TRIM27: variants seen among roughly 807,000 people sequenced by gnomAD.
The protein encoded by TRIM27 is zinc finger protein RFP.
In TRIM27, 12 loss-of-function variants were observed where a neutral mutation model predicts 57.6. The observed-to-expected ratio is 0.21, with a 90% CI of 0.13 to 0.34. The LOEUF (loss-of-function observed/expected upper bound fraction) is 0.34, where lower values mean the gene tolerates loss of function less well. Among genes scored for constraint, TRIM27 ranks in the 10% least tolerant of loss-of-function variants. The pLI, the probability that TRIM27 is intolerant of heterozygous loss-of-function variation, is 1.00. For synonymous variants in TRIM27, 266 were observed against 259.0 expected, an observed-to-expected ratio of 1.03 and a Z score of -0.26; for missense variants, 403 against 656.8, an observed-to-expected ratio of 0.61 and a Z score of 4.22.
At chr6:28,912,821 A>G (rs1773306768) in intron 3 of TRIM27, among the ~76,000 whole-genome samples, 1 of 152,178 alleles carries the variant, frequency 6.6e-6, no homozygotes, top group Non-Finnish European at 1.5e-5. Flanking sequence ...ACAGACATAT[A>G]TATTTTGGGG....
intron 3 of TRIM27, among the ~76,000 whole-genome samples, chr6:28,914,554 T>C (rs565579119): frequency 8.2e-6 from 1 of 121,932 alleles, no homozygotes; most frequent in East Asian, 2.7e-4. Context: ...AAAGAGCTTG[T>C]TGGTATTTTT....
chr6:28,917,318 C>T (rs1046186372), intron 3 of TRIM27, among the ~76,000 whole-genome samples: 7 of 152,052 alleles, frequency 4.6e-5, no homozygotes, highest in Admixed American at 4.6e-4. Context: ...TGGCTCGCAC[C>T]TGTAATCCCA....
chr6:28,919,630 C>G (rs768689329), intron 3 of TRIM27, among the ~76,000 whole-genome samples: 1 of 152,156 alleles, frequency 6.6e-6, no homozygotes, highest in East Asian at 1.9e-4. Flanking sequence ...TACATTAAAA[C>G]TACAGGATAC....
intron 4 of TRIM27, among the ~76,000 whole-genome samples, chr6:28,909,549 G>A (rs1163695410): frequency 6.6e-6 from 1 of 152,112 alleles, no homozygotes; most frequent in African/African-American, 2.4e-5. Flanking sequence ...TGATCCTCTA[G>A]ACCAAAATAG....
Position 28,904,524 on chromosome 6 carries a change from G to C in TRIM27, c.1088C>G (p.Ser363Cys). 1.2e-6 allele frequency: 2 copies of C among 1,612,930 alleles called. No individual in the cohort carries two copies. Among genetic ancestry groups the C allele is most frequent in the Non-Finnish European group, 1.7e-6 (2 of 1,180,022 alleles). The change falls in exon 8 of 8, where the codon TCT (serine) becomes TGT (cysteine). Residue 363 changes from serine to cysteine, a missense_variant. Physicochemically the swap from Ser to Cys is moderately radical, Grantham distance 112 (BLOSUM62 -1). Coordinates refer to ENST00000377199, the MANE Select transcript of TRIM27 (RefSeq NM_006510.5). This position sits in a 1 kb window ranked among gnomAD's most constrained non-coding sequence, Gnocchi z 6.1. ...ATGTCTCCCGGCGATGAAGCATGGAGAGCCCAAGACACAGGGAAACAGATT... is the reference window on the plus strand; with the variant it reads ...ATGTCTCCCGGCGATGAAGCATGGACAGCCCAAGACACAGGGAAACAGATT... ...RFNLFPCVLG[S>C]PCFIAGRHYW...
chr6:28,919,913 A>T, intron 3 of TRIM27, 99 bp downstream of exon 3: 1 of 1,105,784 alleles, frequency 9.0e-7, no homozygotes, highest in Non-Finnish European at 1.3e-6. Context: ...ATTCCTGCAG[A>T]GTTAAAAAGA....
chr6:28,911,074 C>A (rs532490369), intron 4 of TRIM27, among the ~76,000 whole-genome samples: 1 of 152,290 alleles, frequency 6.6e-6, no homozygotes, highest in African/African-American at 2.4e-5. Flanking sequence ...CATTCTTACA[C>A]CAAACATGAG....
In TRIM27 at chr6:28,904,087, T is replaced by A. The variant is rs1010599059; in HGVS notation, c.1525A>T (p.Met509Leu). The change falls in exon 8 of 8, where the codon ATG becomes TTG. Residue 509 changes from methionine (M) to leucine (L), a missense_variant. Transcript: ENST00000377199. The surrounding 1 kb of genome is among the most constrained non-coding windows in gnomAD (Gnocchi z 6.1). Reference protein sequence around the residue: ...SGHVGNHGHSMETSP With the variant: ...SGHVGNHGHSLETSP ...TCACCTCCTCAAGGGGAGGTCTCCA[T>A]GGAATGACCATGATTCCCAACATGG... The A allele has an allele frequency of 6.2e-7, 1 of 1,612,860 alleles. No homozygotes were observed. Among genetic ancestry groups the A allele is most frequent in the South Asian group, 1.1e-5 (1 of 91,076 alleles).
chr6:28,910,686 T>C (rs1207665832), intron 4 of TRIM27, among the ~76,000 whole-genome samples: 1 of 152,116 alleles, frequency 6.6e-6, no homozygotes, highest in African/African-American at 2.4e-5. Flanking sequence ...GGGTTTCCTA[T>C]CTTATATAGC....
chr6:28,921,969 G>C lies in TRIM27; in HGVS notation c.439C>G (p.Leu147Val). The C allele has an allele frequency of 6.2e-7, 1 of 1,613,040 alleles. No homozygotes were observed. The highest frequency in any genetic ancestry group is 8.5e-7 in the Non-Finnish European group (1 of 1,180,018). ...TCTTTCACTCTTTTTAAATGGTCGAGCTGGTTCTGGATTTGCTCCTGAGAA... is the reference window on the plus strand; with the variant it reads ...TCTTTCACTCTTTTTAAATGGTCGACCTGGTTCTGGATTTGCTCCTGAGAA... Reference protein sequence around the residue: ...EGFKEQIQNQLDHLKRVKDLK... With the variant: ...EGFKEQIQNQVDHLKRVKDLK... Residue 147 changes from leucine (L) to valine (V), a missense_variant, in exon 2 of 8, where the codon CTC becomes GTC. Leu to Val is a conservative substitution (Grantham distance 32). Coordinates refer to ENST00000377199, the MANE Select transcript of TRIM27 (RefSeq NM_006510.5).
intron 6 of TRIM27, chr6:28,908,264 C>G (rs970718004): frequency 6.4e-6 from 1 of 155,428 alleles, no homozygotes; most frequent in African/African-American, 2.4e-5. Flanking sequence ...GAGGTAAGAA[C>G]TATTACTGTT....
rs149587647 is a variant in TRIM27 at position 28,910,620 on chromosome 6, G to A, written c.770+1076C>T. ...GCTGGGATTACAGGTGTGAGCCACC[G>A]CACCCAACCTGCACATTTCTTTTAT... On this transcript the variant is annotated intron_variant, in intron 4 of 7. Transcript: ENST00000377199. Among the ~76,000 whole-genome samples the A allele has an allele frequency of 5.1e-3, 773 of 152,148 alleles. 6 individuals carry two copies. The highest frequency in any genetic ancestry group is 0.013 in the Admixed American group (191 of 15,272).
At chr6:28,914,044 CAG>C (rs1418729549) in intron 3 of TRIM27, among the ~76,000 whole-genome samples, 1 of 143,930 alleles carries the variant, frequency 6.9e-6, no homozygotes, top group African/African-American at 2.6e-5. Flanking sequence ...TTTTTTAAGA[CAG>C]AGTCTTGCTC....
Position 28,904,882 on chromosome 6 carries a change from C to A in TRIM27, c.947-217G>T. 2 of 559,426 alleles carry A rather than the reference C, an allele frequency of 3.6e-6. No homozygotes were observed. The highest frequency in any genetic ancestry group is 6.3e-6 in the Non-Finnish European group (2 of 315,986). 34.7% of individuals were successfully genotyped at this position (559,426 alleles called of 1,614,324 possible). A position where few individuals can be genotyped will look rare whatever the true frequency, so the allele number is the denominator to read the frequency against. ...AAAATACAGAATTTTAGCCCCGTATCTTTTCTTTCACATCTGAAGCCACAA... is the reference window on the plus strand; with the variant it reads ...AAAATACAGAATTTTAGCCCCGTATATTTTCTTTCACATCTGAAGCCACAA... On this transcript the variant is annotated intron_variant, in intron 7 of 7. Transcript: ENST00000377199. This position sits in a 1 kb window ranked among gnomAD's most constrained non-coding sequence, Gnocchi z 6.1.
Position 28,910,411 on chromosome 6 carries a change from C to A in TRIM27, c.770+1285G>T, listed in dbSNP as rs529927942. Among the ~76,000 whole-genome samples, 3 of 152,226 alleles carry A rather than the reference C, an allele frequency of 2.0e-5. No individual in the cohort carries two copies. The East Asian group carries it at 5.8e-4, about 29-fold the overall frequency. ...GTGGCATGATCTCAGCTCACTGCAA[C>A]CTCCGCCACAAGAGTTTGAGCAATT... On this transcript the variant is annotated intron_variant, in intron 4 of 7. Coordinates refer to ENST00000377199, the MANE Select transcript of TRIM27 (RefSeq NM_006510.5).
At chr6:28,910,123 GAAA>G (rs9278120) in intron 4 of TRIM27, among the ~76,000 whole-genome samples, 1 of 97,622 alleles carries the variant, frequency 1.0e-5, no homozygotes, top group Non-Finnish European at 2.2e-5. Flanking sequence ...AAAGAAAAAT[GAAA>G]AAAAAAAAAA....
Position 28,904,854 on chromosome 6 carries a change from C to T in TRIM27, c.947-189G>A, listed in dbSNP as rs1772646686. The T allele has an allele frequency of 1.8e-6, 1 of 568,164 alleles. No individual in the cohort carries two copies. The highest frequency in any genetic ancestry group is 1.9e-5 in the African/African-American group (1 of 53,616). The allele number at this position is 568,164 out of a possible 1,614,324, so 35.2% of individuals were successfully genotyped here. A position where few individuals can be genotyped will look rare whatever the true frequency, so the allele number is the denominator to read the frequency against. On this transcript the variant is annotated intron_variant, in intron 7 of 7. Coordinates refer to ENST00000377199, the MANE Select transcript of TRIM27 (RefSeq NM_006510.5). The surrounding 1 kb of genome is among the most constrained non-coding windows in gnomAD (Gnocchi z 6.1). ...TGGATTAGCTGGTTACCAGAATACT[C>T]TGAAAATACAGAATTTTAGCCCCGT...
At chr6:28,920,948 T>C (rs1287489766) in intron 2 of TRIM27, among the ~76,000 whole-genome samples, 1 of 152,178 alleles carries the variant, frequency 6.6e-6, no homozygotes, top group Non-Finnish European at 1.5e-5. Context: ...AACTGCTGTC[T>C]CTAGCTTTGG....
At chr6:28,914,204 C>T (rs1773432040) in intron 3 of TRIM27, among the ~76,000 whole-genome samples, 1 of 149,146 alleles carries the variant, frequency 6.7e-6, no homozygotes, top group Non-Finnish European at 1.5e-5. Context: ...GGTGCGATCT[C>T]AGCTCACTGC....
Sources: allele counts gnomAD v4.1 joint callset (sites outside exome capture counted in the v4.1 genomes callset), GRCh38; gene constraint gnomAD v4.1.1; non-coding constraint Gnocchi (gnomAD v3.1); transcripts MANE v1.5; gene names NCBI Gene and HGNC (gene_info 2026-07-23, HGNC 2026-07-21).